The following ANKRD30B variants were observed in gnomAD, a reference collection of about 807,000 sequenced individuals.
The protein encoded by ANKRD30B is ankyrin repeat domain-containing protein 30B.
Under a neutral mutation model 202.2 loss-of-function variants are expected in ANKRD30B, and 144 were observed. The ratio of observed to expected loss-of-function variants is 0.71; its 90% CI spans 0.62 to 0.82. ANKRD30B has a LOEUF of 0.82. ANKRD30B is among the 40% of genes least tolerant of loss of function. ANKRD30B has a pLI of 0.00. For missense variants in ANKRD30B, 1,487 were observed against 1,669.1 expected, an observed-to-expected ratio of 0.89 and a Z score of 1.90; for synonymous variants, 508 against 561.3, an observed-to-expected ratio of 0.91 and a Z score of 1.34.
intron 1 of ANKRD30B, among the ~76,000 whole-genome samples, chr18:14,750,645 G>C (rs1243786626): frequency 6.6e-6 from 1 of 152,046 alleles, no homozygotes; most frequent in African/African-American, 2.4e-5. Flanking sequence ...TCTGAGCACT[G>C]CTTAAAATAT....
At chr18:14,815,369 A>G (rs1048749591) in intron 30 of ANKRD30B, among the ~76,000 whole-genome samples, 1 of 151,358 alleles carries the variant, frequency 6.6e-6, no homozygotes, top group African/African-American at 2.4e-5. Context: ...AACCTTGTTA[A>G]CAATTCACAC....
At chr18:14,909,489 C>T in the ANKRD30B span, among the ~76,000 whole-genome samples, 1 of 152,292 alleles carries the variant, frequency 6.6e-6, no homozygotes, top group East Asian at 1.9e-4. Context: ...CTCACTACAA[C>T]CTCCGCCTCC....
At chr18:14,777,744 C>G (rs12961369) in intron 9 of ANKRD30B, among the ~76,000 whole-genome samples, 4,610 of 151,668 alleles carry the variant, frequency 0.03, 256 homozygotes, top group African/African-American at 0.11. Context: ...GAGTTCGAGA[C>G]CAGCCTGGCC....
chr18:14,788,794 T>C (rs1351113482), intron 15 of ANKRD30B, among the ~76,000 whole-genome samples: 2 of 152,016 alleles, frequency 1.3e-5, no homozygotes, highest in African/African-American at 4.8e-5. Flanking sequence ...CAGTCTATCA[T>C]TGTTGGACAT....
chr18:14,806,456 A>C (rs1969521327), intron 24 of ANKRD30B, among the ~76,000 whole-genome samples: 1 of 151,004 alleles, frequency 6.6e-6, no homozygotes, highest in Non-Finnish European at 1.5e-5. Flanking sequence ...TAATCTTTAG[A>C]GCCATGCCAT....
At chr18:14,856,078 TG>T (rs777934566), downstream of ANKRD30B, among the ~76,000 whole-genome samples, 1 of 100,550 alleles carries the variant, frequency 9.9e-6, no homozygotes, top group Non-Finnish European at 2.1e-5. Context: ...ACCTCCTAGA[TG>T]GGGTGGCCGG....
chr18:14,793,237 C>G (rs1322633921), intron 16 of ANKRD30B, among the ~76,000 whole-genome samples: 1 of 152,118 alleles, frequency 6.6e-6, no homozygotes, highest in East Asian at 1.9e-4. Context: ...CAATTCATAA[C>G]ACTTTCACTG....
Position 14,799,359 on chromosome 18 carries a change from C to G in ANKRD30B, c.2131+64C>G. The G allele has an allele frequency of 2.9e-6, 4 of 1,371,276 alleles. No individual in the cohort carries two copies. In the African/African-American group the frequency reaches 5.9e-5, roughly 20 times the overall value. 84.9% of individuals were successfully genotyped at this position (1,371,276 alleles called of 1,614,324 possible). A position where few individuals can be genotyped will look rare whatever the true frequency, so the allele number is the denominator to read the frequency against. On this transcript the variant is annotated intron_variant, in intron 22 of 43. Transcript: ENST00000690538. ...ATATTAAACTATTTGAAATGCTGAGCACCTTTTTATTCCCAATGTTGTTTT... is the reference window on the plus strand; with the variant it reads ...ATATTAAACTATTTGAAATGCTGAGGACCTTTTTATTCCCAATGTTGTTTT...
chr18:14,929,146 CTT>C, the ANKRD30B span, among the ~76,000 whole-genome samples: 2 of 152,338 alleles, frequency 1.3e-5, no homozygotes, highest in East Asian at 3.9e-4. Context: ...GGCTCTCACC[CTT>C]GTGTGTCCGT....
intron 33 of ANKRD30B, among the ~76,000 whole-genome samples, chr18:14,830,005 A>G (rs1428009792): frequency 1.3e-5 from 2 of 152,096 alleles, no homozygotes; most frequent in Non-Finnish European, 2.9e-5. Flanking sequence ...TTAGTCATGG[A>G]GCTTCAGTTG....
intron 7 of ANKRD30B, among the ~76,000 whole-genome samples, chr18:14,766,076 G>A (rs1299717604): frequency 6.6e-6 from 1 of 152,036 alleles, no homozygotes; most frequent in Non-Finnish European, 1.5e-5. Flanking sequence ...CAGTTAATAT[G>A]GTTTAGTTAT....
the ANKRD30B span, among the ~76,000 whole-genome samples, chr18:14,912,443 A>C: frequency 6.6e-6 from 1 of 152,214 alleles, no homozygotes; most frequent in Non-Finnish European, 1.5e-5. Context: ...ATGTTGGACT[A>C]TCCTTGCATC....
At chr18:14,785,931 G>A (rs1245981645) in intron 14 of ANKRD30B, among the ~76,000 whole-genome samples, 4 of 151,692 alleles carry the variant, frequency 2.6e-5, no homozygotes, top group Admixed American at 1.3e-4. Context: ...CCAGCTACTC[G>A]GGAGGCTGAG....
chr18:14,806,014 A>G (rs191447161), intron 24 of ANKRD30B, among the ~76,000 whole-genome samples: 2,546 of 150,242 alleles, frequency 0.017, 200 homozygotes, highest in African/African-American at 0.06. Context: ...AGGTCAGGAG[A>G]TCCAGACCAT....
intron 15 of ANKRD30B, 47 bp from the exon 16 acceptor site, chr18:14,791,354 A>T (rs1475159118): frequency 1.5e-5 from 22 of 1,482,458 alleles, no homozygotes; most frequent in Non-Finnish European, 2.0e-5. Flanking sequence ...ACTCTTCATT[A>T]CTAGGATTTT....
At chr18:14,847,100 T>A (rs1460140573) in intron 39 of ANKRD30B, among the ~76,000 whole-genome samples, 3 of 127,284 alleles carry the variant, frequency 2.4e-5, no homozygotes, top group Admixed American at 1.7e-4. Context: ...ATATGTATAA[T>A]GTTTTTTAGT....
rs528820842 is a variant in ANKRD30B at position 14,774,052 on chromosome 18, C to G, written c.1329+1824C>G. On this transcript the variant is annotated intron_variant, in intron 9 of 43. Coordinates refer to ENST00000690538, the MANE Select transcript of ANKRD30B (RefSeq NM_001367607.2). ...CAGGTGAAAAGTTTATGGAACATTC[C>G]ATTTTAAATTTTTTCTCTCTCTGTA... is the stretch of plus-strand genomic sequence containing the variant. Among the ~76,000 whole-genome samples, 155 of 152,184 alleles carry G rather than the reference C, an allele frequency of 1.0e-3. 1 individual carries two copies. Among genetic ancestry groups the G allele is most frequent in the Non-Finnish European group, 2.9e-4 (20 of 67,992 alleles).
chr18:14,853,524 A>T (rs959764270), intron 42 of ANKRD30B, among the ~76,000 whole-genome samples: 6 of 142,564 alleles, frequency 4.2e-5, no homozygotes, highest in Non-Finnish European at 7.6e-5. Context: ...ATTTACCACC[A>T]CTAGTCCTGC....
rs200280208 is a variant in ANKRD30B at position 14,844,937 on chromosome 18, A to AT, written c.3181+1850dup. On this transcript the variant is annotated intron_variant, in intron 39 of 43. Transcript: ENST00000690538. ...ACCCACTTTTTGATGGGGTTGTTTG[A>AT]TTTTTTTTTAAAACTTGTTTAAGTT... 2.0e-3 allele frequency among the ~76,000 whole-genome samples: 307 copies of AT among 151,488 alleles called. 9 individuals are homozygous for AT. The South Asian group carries it at 0.057, about 28-fold the overall frequency.
Sources: gnomAD v4.1 joint callset for allele counts (sites outside exome capture counted in the v4.1 genomes callset) on GRCh38, gnomAD v4.1.1 for gene constraint, MANE v1.5 for transcripts, NCBI Gene and HGNC (gene_info 2026-07-23, HGNC 2026-07-21) for gene names.